DMRT1: variants seen among roughly 807,000 people sequenced by gnomAD.
DMRT1 encodes the protein doublesex- and mab-3-related transcription factor 1.
DMRT1 carries 7 observed loss-of-function variants against 32.3 expected under a neutral mutation model. The ratio of observed to expected loss-of-function variants is 0.22; its 90% CI spans 0.12 to 0.41. DMRT1 has a LOEUF of 0.41. DMRT1 is among the 10% of genes least tolerant of loss of function. The pLI is 1.00. For missense variants in DMRT1, 625 were observed against 500.5 expected (o/e 1.25, Z -2.37); for synonymous variants, 278 against 206.1 (o/e 1.35, Z -2.99).
At chr9:889,148 A>G (rs1281830089) in intron 2 of DMRT1, among the ~76,000 whole-genome samples, 1 of 152,150 alleles carries the variant, frequency 6.6e-6, no homozygotes, top group Non-Finnish European at 1.5e-5. Context: ...GATTAGACAC[A>G]TGTAGCTTGA....
intron 4 of DMRT1, among the ~76,000 whole-genome samples, chr9:963,218 T>C (rs2130005982): frequency 6.6e-6 from 1 of 152,342 alleles, no homozygotes; most frequent in African/African-American, 2.4e-5. Flanking sequence ...CTATAGGTTC[T>C]TTCATTTACA....
chr9:891,819 T>C (rs1463362154), intron 2 of DMRT1, among the ~76,000 whole-genome samples: 1 of 152,156 alleles, frequency 6.6e-6, no homozygotes, highest in Non-Finnish European at 1.5e-5. Flanking sequence ...CCACCGTGCC[T>C]GGCTGGAGCT....
chr9:851,596 G>A (rs1217334217), intron 2 of DMRT1, among the ~76,000 whole-genome samples: 1 of 152,102 alleles, frequency 6.6e-6, no homozygotes, highest in African/African-American at 2.4e-5. Context: ...TCCCAAAAGG[G>A]CCAAAAGTGA....
At chr9:911,470 ATTTTTTTTTTTTTTTTT>A (rs201141931) in intron 3 of DMRT1, among the ~76,000 whole-genome samples, 183 of 66,962 alleles carry the variant, frequency 2.7e-3, no homozygotes, top group Middle Eastern at 9.6e-3. Context: ...GGTTAATTGC[ATTTTTTTTTTTTTTTTT>A]TTTTTTTTTT....
intron 2 of DMRT1, among the ~76,000 whole-genome samples, chr9:864,184 C>T (rs1589466382): frequency 6.8e-6 from 1 of 147,940 alleles, no homozygotes; most frequent in African/African-American, 2.5e-5. Flanking sequence ...TATTTGTATT[C>T]TTTTAACTTC....
rs138507394 is a variant in DMRT1 at position 900,468 on chromosome 9, A to G, written c.822+6273A>G. Among the ~76,000 whole-genome samples, 20 of 152,302 alleles carry G rather than the reference A, an allele frequency of 1.3e-4. No homozygotes were observed. The East Asian group carries it at 3.3e-3, about 25-fold the overall frequency. ...GTCAAAACAAGTCACTTTCCAAAGT[A>G]TCTGCTGTGTGGGGGTGGCCAGAGC... On this transcript the variant is annotated intron_variant, in intron 3 of 4. Coordinates refer to ENST00000382276, the MANE Select transcript of DMRT1 (RefSeq NM_021951.3).
At chr9:896,511 T>A (rs142503952) in intron 3 of DMRT1, among the ~76,000 whole-genome samples, 5 of 151,966 alleles carry the variant, frequency 3.3e-5, no homozygotes, top group African/African-American at 7.2e-5. Context: ...TTCTGTGAGG[T>A]TGACTTTTTA....
At position 908,641 on chromosome 9, in the gene DMRT1, A is replaced by T. The variant is rs917587494; in HGVS notation, c.823-8122A>T. ...GTTGTTTATTTTTATTTTTGGAGCT[A>T]CTGTAATACAAACTTTCCTTTGGTT... is the stretch of plus-strand genomic sequence containing the variant. On this transcript the variant is annotated intron_variant, in intron 3 of 4. Coordinates refer to ENST00000382276, the MANE Select transcript of DMRT1 (RefSeq NM_021951.3). Among the ~76,000 whole-genome samples the T allele has an allele frequency of 5.9e-5, 9 of 151,774 alleles. No individual in the cohort carries two copies. The South Asian group carries it at 1.5e-3, about 25-fold the overall frequency.
intron 1 of DMRT1, among the ~76,000 whole-genome samples, chr9:843,582 A>G (rs1838783433): frequency 6.6e-6 from 1 of 152,246 alleles, no homozygotes; most frequent in Non-Finnish European, 1.5e-5. Flanking sequence ...GTAATTTAAC[A>G]TTTTAACGGA....
chr9:853,931 G>T (rs145855864), intron 2 of DMRT1, among the ~76,000 whole-genome samples: 1 of 152,110 alleles, frequency 6.6e-6, no homozygotes, highest in East Asian at 1.9e-4. Context: ...GAGCAGTTAG[G>T]ACTACAGGTG....
chr9:878,854 G>A (rs557624266), intron 2 of DMRT1, among the ~76,000 whole-genome samples: 1 of 152,212 alleles, frequency 6.6e-6, no homozygotes, highest in East Asian at 1.9e-4. Flanking sequence ...TCTTTGCTAC[G>A]TGCAAAGGCT....
At chr9:966,603 C>T (rs1819937923) in intron 4 of DMRT1, among the ~76,000 whole-genome samples, 1 of 152,146 alleles carries the variant, frequency 6.6e-6, no homozygotes, top group African/African-American at 2.4e-5. Flanking sequence ...AAGAAGGGGG[C>T]CTTCTGAAAG....
chr9:903,169 A>T (rs573032341), intron 3 of DMRT1, among the ~76,000 whole-genome samples: 13 of 152,236 alleles, frequency 8.5e-5, no homozygotes, highest in African/African-American at 2.6e-4. Context: ...AGTGGACCCA[A>T]TTCTCTTGGG....
intron 4 of DMRT1, among the ~76,000 whole-genome samples, chr9:948,950 G>A (rs1052096112): frequency 2.0e-5 from 3 of 150,044 alleles, no homozygotes; most frequent in Admixed American, 1.3e-4. Flanking sequence ...AATAATAGCC[G>A]GGCGTGGTGG....
intron 4 of DMRT1, among the ~76,000 whole-genome samples, chr9:933,687 C>G (rs1399734182): frequency 1.3e-5 from 2 of 152,212 alleles, no homozygotes; most frequent in African/African-American, 2.4e-5. Flanking sequence ...TGCAATTCCT[C>G]TGTCACACCA....
intron 4 of DMRT1, among the ~76,000 whole-genome samples, chr9:924,912 A>G (rs967575654): frequency 1.3e-5 from 2 of 152,138 alleles, no homozygotes; most frequent in South Asian, 2.1e-4. Context: ...CTCTTTCTAC[A>G]TACAAAGAGC....
intron 2 of DMRT1, among the ~76,000 whole-genome samples, chr9:878,200 G>GCACC (rs1816584290): frequency 2.1e-5 from 2 of 94,040 alleles, no homozygotes; most frequent in African/African-American, 4.3e-5. Flanking sequence ...TGCAGCTGCT[G>GCACC]CCCCCCCCCC....
intron 3 of DMRT1, among the ~76,000 whole-genome samples, chr9:896,282 T>G (rs1817357756): frequency 6.6e-6 from 1 of 150,878 alleles, no homozygotes; most frequent in Non-Finnish European, 1.5e-5. Flanking sequence ...TTTCTTGTCT[T>G]TTCTTTTTTT....
At chr9:873,825 G>T (rs1036684388) in intron 2 of DMRT1, among the ~76,000 whole-genome samples, 24 of 152,134 alleles carry the variant, frequency 1.6e-4, no homozygotes, top group African/African-American at 5.6e-4. Flanking sequence ...GACCTGCAGG[G>T]AGAGAACAGA....
Sources: allele counts gnomAD v4.1 joint callset (sites outside exome capture counted in the v4.1 genomes callset), GRCh38; gene constraint gnomAD v4.1.1; transcripts MANE v1.5; gene names NCBI Gene and HGNC (gene_info 2026-07-23, HGNC 2026-07-21).